FAF1: variants seen among roughly 807,000 people sequenced by gnomAD.
FAF1 encodes the protein Fas associated factor 1.
Under a neutral mutation model 92.5 loss-of-function variants are expected in FAF1, and 25 were observed. That is an observed-to-expected ratio of 0.27 (90% CI 0.20 to 0.38). The LOEUF (loss-of-function observed/expected upper bound fraction) is 0.38, where lower values mean the gene tolerates loss of function less well. FAF1 is among the 10% of genes least tolerant of loss of function. The probability of loss-of-function intolerance (pLI) is 1.00; values close to 1 mark genes in which losing one functional copy is unlikely to be tolerated. For synonymous variants in FAF1, 234 were observed against 273.2 expected, an observed-to-expected ratio of 0.86 and a Z score of 1.42; for missense variants, 636 against 793.3, an observed-to-expected ratio of 0.80 and a Z score of 2.38.
At chr1:50,817,099 T>C (rs866408992) in intron 2 of FAF1, among the ~76,000 whole-genome samples, 1 of 152,196 alleles carries the variant, frequency 6.6e-6, no homozygotes, top group Non-Finnish European at 1.5e-5. Context: ...ACAGTATATT[T>C]TGAAGTCGGG....
intron 1 of FAF1, among the ~76,000 whole-genome samples, chr1:50,870,560 G>T (rs1211634207): frequency 6.6e-6 from 1 of 152,216 alleles, no homozygotes; most frequent in Non-Finnish European, 1.5e-5. Context: ...GCATGTTTCT[G>T]TGTCACATTT....
At chr1:50,831,863 T>C (rs140256221) in intron 2 of FAF1, among the ~76,000 whole-genome samples, 1 of 146,308 alleles carries the variant, frequency 6.8e-6, no homozygotes, top group Non-Finnish European at 1.5e-5. Context: ...AGGGTGGTAA[T>C]GTGAGCCACT....
At chr1:50,568,525 T>C (rs1246844297) in intron 12 of FAF1, among the ~76,000 whole-genome samples, 4 of 152,116 alleles carry the variant, frequency 2.6e-5, no homozygotes, top group Non-Finnish European at 5.9e-5. Context: ...CACAGTTAGG[T>C]AGATTAAGAT....
chr1:50,955,709 C>A (rs1199217827), intron 1 of FAF1, among the ~76,000 whole-genome samples: 1 of 152,140 alleles, frequency 6.6e-6, no homozygotes, highest in African/African-American at 2.4e-5. Context: ...CTGCATGATT[C>A]ACAGTACCTA....
chr1:50,481,474 C>T (rs1646703251), intron 17 of FAF1, among the ~76,000 whole-genome samples: 1 of 152,174 alleles, frequency 6.6e-6, no homozygotes, highest in African/African-American at 2.4e-5. Context: ...GTATTCAATA[C>T]AGTAACATGC....
At chr1:50,879,091 C>T (rs1291135484) in intron 1 of FAF1, among the ~76,000 whole-genome samples, 2 of 152,066 alleles carry the variant, frequency 1.3e-5, no homozygotes, top group African/African-American at 4.8e-5. Flanking sequence ...CCTAGAAATA[C>T]AAAACTTAGC....
chr1:50,883,421 G>A (rs1013485214), intron 1 of FAF1, among the ~76,000 whole-genome samples: 1 of 152,138 alleles, frequency 6.6e-6, no homozygotes, highest in Admixed American at 6.6e-5. Flanking sequence ...ACAACGTCAG[G>A]TTATAAGCCT....
chr1:50,540,216 C>T (rs945560765), intron 13 of FAF1, among the ~76,000 whole-genome samples: 1 of 152,124 alleles, frequency 6.6e-6, no homozygotes, highest in African/African-American at 2.4e-5. Flanking sequence ...TTGTGATCCA[C>T]CTGCCTCGGC....
intron 7 of FAF1, among the ~76,000 whole-genome samples, chr1:50,700,890 C>A (rs1657447041): frequency 6.6e-6 from 1 of 152,002 alleles, no homozygotes; most frequent in South Asian, 2.1e-4. Context: ...CAAAGAGCTG[C>A]ATTATAAATA....
At chr1:50,487,476 A>G (rs1374134652) in intron 17 of FAF1, among the ~76,000 whole-genome samples, 2 of 152,146 alleles carry the variant, frequency 1.3e-5, no homozygotes, top group Non-Finnish European at 2.9e-5. Context: ...GCATGTATTC[A>G]TGTAAGTTTC....
chr1:50,521,031 AT>A (rs1301469741), intron 15 of FAF1, among the ~76,000 whole-genome samples: 1 of 152,164 alleles, frequency 6.6e-6, no homozygotes. Flanking sequence ...ACTGTTTTTT[AT>A]ATATTAATTC....
At chr1:50,893,142 G>A (rs1447767759) in intron 1 of FAF1, among the ~76,000 whole-genome samples, 1 of 152,086 alleles carries the variant, frequency 6.6e-6, no homozygotes, top group Non-Finnish European at 1.5e-5. Context: ...GGAATTCTCT[G>A]TCTGAAAAAG....
At chr1:50,816,520 C>T (rs1211393117) in intron 2 of FAF1, among the ~76,000 whole-genome samples, 2 of 152,022 alleles carry the variant, frequency 1.3e-5, no homozygotes, top group African/African-American at 2.4e-5. Flanking sequence ...CACTTTTTAA[C>T]GGGGCTATTT....
At chr1:50,563,579 T>C (rs1194358782) in intron 13 of FAF1, among the ~76,000 whole-genome samples, 1 of 152,198 alleles carries the variant, frequency 6.6e-6, no homozygotes, top group African/African-American at 2.4e-5. Context: ...AATTTAGATA[T>C]GCAATATTGA....
intron 2 of FAF1, among the ~76,000 whole-genome samples, chr1:50,822,135 AT>A (rs901570819): frequency 1.3e-5 from 2 of 151,568 alleles, no homozygotes; most frequent in African/African-American, 4.9e-5. Context: ...TTCTAATTTG[AT>A]TTTTTTTCCA....
chr1:50,577,822 G>A (rs764594181), intron 12 of FAF1, among the ~76,000 whole-genome samples: 33 of 152,202 alleles, frequency 2.2e-4, no homozygotes, highest in South Asian at 4.2e-4. Flanking sequence ...ACTTTGTCAC[G>A]ATATACTTAA....
chr1:50,533,216 C>G (rs559349364), intron 15 of FAF1, among the ~76,000 whole-genome samples: 1 of 152,132 alleles, frequency 6.6e-6, no homozygotes, highest in African/African-American at 2.4e-5. Context: ...GGACTACAGG[C>G]ACGCAACACC....
At chr1:50,668,755 G>A (rs1213379616) in intron 7 of FAF1, among the ~76,000 whole-genome samples, 1 of 152,088 alleles carries the variant, frequency 6.6e-6, no homozygotes, top group Non-Finnish European at 1.5e-5. Context: ...GTTAGGGCTG[G>A]CTCTGAAATG....
intron 7 of FAF1, among the ~76,000 whole-genome samples, chr1:50,700,546 T>C (rs1657424291): frequency 1.3e-5 from 2 of 152,146 alleles, no homozygotes; most frequent in Admixed American, 1.3e-4. Flanking sequence ...TATTACAGTA[T>C]TGGTCACCAG....
Sources: allele counts gnomAD v4.1 joint callset (sites outside exome capture counted in the v4.1 genomes callset), GRCh38; gene constraint gnomAD v4.1.1; transcripts MANE v1.5; gene names NCBI Gene and HGNC (gene_info 2026-07-23, HGNC 2026-07-21).